Variants in XKR6 observed in about 807,000 individuals in gnomAD.
XKR6 encodes the protein XK related 6.
A neutral mutation model predicts 56.7 loss-of-function variants in XKR6; 22 were observed. The ratio of observed to expected loss-of-function variants is 0.39; its 90% CI spans 0.28 to 0.55. The LOEUF (loss-of-function observed/expected upper bound fraction) is 0.55, where lower values mean the gene tolerates loss of function less well. Among genes scored for constraint, XKR6 ranks in the 20% least tolerant of loss-of-function variants. XKR6 has a pLI of 0.66. For missense variants in XKR6, 852 were observed against 889.0 expected (o/e 0.96, Z 0.53); for synonymous variants, 524 against 387.8 (o/e 1.35, Z -4.13).
intron 1 of XKR6, among the ~76,000 whole-genome samples, chr8:10,996,913 G>A (rs1293527773): frequency 1.3e-5 from 2 of 152,082 alleles, no homozygotes; most frequent in Non-Finnish European, 2.9e-5. Context: ...GGGCTGCAGT[G>A]AGCTATGATG....
At chr8:11,130,620 T>C (rs936322296) in intron 1 of XKR6, among the ~76,000 whole-genome samples, 2 of 152,148 alleles carry the variant, frequency 1.3e-5, no homozygotes, top group African/African-American at 4.8e-5. Flanking sequence ...CGGTTTTTTT[T>C]TTTTTTAAGT....
At chr8:11,035,687 C>T (rs984396666) in intron 1 of XKR6, among the ~76,000 whole-genome samples, 7 of 152,186 alleles carry the variant, frequency 4.6e-5, no homozygotes, top group Non-Finnish European at 1.0e-4. Flanking sequence ...TACATGTGTA[C>T]AGACAGTGGT....
intron 1 of XKR6, among the ~76,000 whole-genome samples, chr8:11,088,886 T>C (rs1433881956): frequency 2.0e-5 from 3 of 152,202 alleles, no homozygotes; most frequent in African/African-American, 7.2e-5. Context: ...TGTGATTTTG[T>C]GAAAGGTGTG....
rs143125320 is a variant in XKR6 at position 11,091,999 on chromosome 8, G to A, written c.764+108577C>T. Among the ~76,000 whole-genome samples the A allele has an allele frequency of 3.4e-4, 51 of 152,134 alleles. 1 individual carries two copies. In the Middle Eastern group the frequency reaches 0.014, roughly 41 times the overall value. Reference sequence around the variant, plus strand: ...AAACCCTGCGGTTCAGAATTTTTTCGCCCTTAGAAAAGTAATCAAGTGTAA... The same window carrying A: ...AAACCCTGCGGTTCAGAATTTTTTCACCCTTAGAAAAGTAATCAAGTGTAA... On this transcript the variant is annotated intron_variant, in intron 1 of 2. Transcript: ENST00000416569.
intron 1 of XKR6, among the ~76,000 whole-genome samples, chr8:11,164,381 G>A (rs1030836502): frequency 2.6e-5 from 4 of 152,170 alleles, no homozygotes; most frequent in Non-Finnish European, 1.5e-5. Context: ...CTTACTCAGG[G>A]CTGTCATTAG....
At chr8:11,111,009 T>A (rs1156519441) in intron 1 of XKR6, among the ~76,000 whole-genome samples, 2 of 37,358 alleles carry the variant, frequency 5.4e-5, no homozygotes, top group Non-Finnish European at 1.1e-4. Flanking sequence ...GCTTTTTCTA[T>A]TTTTTTTTTT....
At chr8:11,079,346 G>A (rs1443860548) in intron 1 of XKR6, among the ~76,000 whole-genome samples, 1 of 152,240 alleles carries the variant, frequency 6.6e-6, no homozygotes, top group Admixed American at 6.5e-5. Flanking sequence ...TAGAGTAAGT[G>A]CAGCTTTTAA....
intron 1 of XKR6, among the ~76,000 whole-genome samples, chr8:11,101,837 T>C (rs1255714652): frequency 1.3e-5 from 2 of 152,136 alleles, no homozygotes; most frequent in Non-Finnish European, 2.9e-5. Context: ...CTAAGCCCTT[T>C]AGGGATGTGG....
chr8:11,104,759 A>G (rs1798613924), intron 1 of XKR6: 1 of 152,230 alleles, frequency 6.6e-6, no homozygotes, highest in African/African-American at 2.4e-5. Flanking sequence ...CAGGTTGAAA[A>G]GTTATCCACA....
intron 1 of XKR6, among the ~76,000 whole-genome samples, chr8:10,976,124 C>T (rs576445829): frequency 2.8e-4 from 43 of 151,902 alleles, no homozygotes; most frequent in East Asian, 1.7e-3. Flanking sequence ...TGCAGTGAGC[C>T]GAGATCGTGC....
intron 1 of XKR6, chr8:11,111,928 A>G (rs544177199): frequency 1.3e-5 from 2 of 152,378 alleles, no homozygotes; most frequent in East Asian, 3.9e-4. Context: ...AAACAATGTC[A>G]AAGGAAAGAC....
chr8:10,971,238 G>C (rs149380116), intron 1 of XKR6, among the ~76,000 whole-genome samples: 3 of 151,640 alleles, frequency 2.0e-5, no homozygotes, highest in East Asian at 3.9e-4. Context: ...TGGCTAACAC[G>C]GCGAAACTCC....
At chr8:11,087,610 T>G (rs186470761) in intron 1 of XKR6, among the ~76,000 whole-genome samples, 12 of 152,312 alleles carry the variant, frequency 7.9e-5, no homozygotes, top group East Asian at 1.9e-4. Flanking sequence ...TGAAAGCATC[T>G]TGCAACCACC....
chr8:10,957,619 G>A (rs187314500), intron 1 of XKR6, among the ~76,000 whole-genome samples: 1 of 152,320 alleles, frequency 6.6e-6, no homozygotes, highest in African/African-American at 2.4e-5. Context: ...GGAGACTGCA[G>A]GGCAGATGGA....
chr8:11,066,184 C>A (rs1799972883), intron 1 of XKR6, among the ~76,000 whole-genome samples: 1 of 152,212 alleles, frequency 6.6e-6, no homozygotes, highest in Non-Finnish European at 1.5e-5. Flanking sequence ...CTGTGGCTTG[C>A]CTCTGCCCAA....
At chr8:10,968,458 T>C (rs1202341027) in intron 1 of XKR6, among the ~76,000 whole-genome samples, 1 of 152,244 alleles carries the variant, frequency 6.6e-6, no homozygotes, top group Non-Finnish European at 1.5e-5. Context: ...GGCTGGCCTA[T>C]GGCCCCCTTC....
At chr8:11,133,667 C>A (rs935187161) in intron 1 of XKR6, among the ~76,000 whole-genome samples, 2 of 152,206 alleles carry the variant, frequency 1.3e-5, no homozygotes, top group East Asian at 1.9e-4. Context: ...CAGGGCTATA[C>A]CTCCTCCTTT....
intron 1 of XKR6, among the ~76,000 whole-genome samples, chr8:10,969,847 G>T (rs1007754521): frequency 2.6e-5 from 4 of 152,244 alleles, no homozygotes; most frequent in African/African-American, 9.6e-5. Context: ...CCTGCCTGGG[G>T]TGGTTTATTT....
chr8:10,911,790 T>C (rs896564966), intron 2 of XKR6, among the ~76,000 whole-genome samples: 4 of 149,696 alleles, frequency 2.7e-5, no homozygotes, highest in Admixed American at 1.3e-4. Flanking sequence ...TGTGTATATA[T>C]AGAGACAATG....
Sources: allele counts gnomAD v4.1 joint callset (sites outside exome capture counted in the v4.1 genomes callset), GRCh38; gene constraint gnomAD v4.1.1; transcripts MANE v1.5; gene names NCBI Gene and HGNC (gene_info 2026-07-23, HGNC 2026-07-21).